Variants in NKAIN2 observed in about 807,000 individuals in gnomAD.
NKAIN2 encodes the protein sodium/potassium transporting ATPase interacting 2.
In NKAIN2, 14 loss-of-function variants were observed where a neutral mutation model predicts 32.6. That is an observed-to-expected ratio of 0.43 (90% CI 0.28 to 0.67). NKAIN2 has a LOEUF of 0.67. Ranked by LOEUF, NKAIN2 falls within the 30% of genes least tolerant of loss-of-function variation. NKAIN2 has a pLI of 0.17. For missense variants in NKAIN2, 198 were observed against 258.3 expected (o/e 0.77, Z 1.60); for synonymous variants, 80 against 87.2 (o/e 0.92, Z 0.46).
intron 1 of NKAIN2, among the ~76,000 whole-genome samples, chr6:124,145,017 C>T: frequency 6.6e-6 from 1 of 152,096 alleles, no homozygotes; most frequent in Non-Finnish European, 1.5e-5. Flanking sequence ...CAGAGAAGCA[C>T]ATGAAAAGAT....
intron 1 of NKAIN2, among the ~76,000 whole-genome samples, chr6:124,064,367 C>T (rs1317675018): frequency 6.6e-6 from 1 of 151,922 alleles, no homozygotes; most frequent in African/African-American, 2.4e-5. Flanking sequence ...TGGGAATAAC[C>T]ATATTAAATG....
chr6:124,259,054 T>G (rs973933297), intron 1 of NKAIN2, among the ~76,000 whole-genome samples: 3 of 152,134 alleles, frequency 2.0e-5, no homozygotes, highest in African/African-American at 7.2e-5. Flanking sequence ...AAATGTTGCA[T>G]GGAGGTGGTT....
intron 1 of NKAIN2, among the ~76,000 whole-genome samples, chr6:123,867,969 T>C (rs574344150): frequency 6.9e-4 from 104 of 151,276 alleles, no homozygotes; most frequent in Non-Finnish European, 1.2e-3. Context: ...CCCAGGTTCA[T>C]GCCATTCTCC....
chr6:123,993,384 A>T (rs1388568716), intron 1 of NKAIN2, among the ~76,000 whole-genome samples: 1 of 152,138 alleles, frequency 6.6e-6, no homozygotes, highest in East Asian at 1.9e-4. Flanking sequence ...ATCAATATCA[A>T]TTTATAAAAT....
At chr6:124,490,326 A>C in intron 3 of NKAIN2, 1 of 422,138 alleles carries the variant, frequency 2.4e-6, no homozygotes, top group South Asian at 1.7e-5. Flanking sequence ...GACACCAAGT[A>C]AACACTTTCT....
intron 3 of NKAIN2, among the ~76,000 whole-genome samples, chr6:124,444,055 C>G (rs1775795432): frequency 6.6e-6 from 1 of 151,942 alleles, no homozygotes; most frequent in Admixed American, 6.6e-5. Flanking sequence ...ACTGACTAAG[C>G]TGCAAGCTTC....
intron 1 of NKAIN2, among the ~76,000 whole-genome samples, chr6:124,106,573 C>T (rs768095318): frequency 2.6e-5 from 4 of 152,062 alleles, no homozygotes; most frequent in Non-Finnish European, 5.9e-5. Flanking sequence ...TTAGGAAAGG[C>T]GGAATGATTT....
chr6:124,457,461 T>C (rs1228123971), intron 3 of NKAIN2, among the ~76,000 whole-genome samples: 2 of 151,982 alleles, frequency 1.3e-5, no homozygotes, highest in African/African-American at 4.8e-5. Flanking sequence ...ACGTGTGTGA[T>C]ACAATATTTT....
At chr6:123,831,482 G>GT (rs1159182051) in intron 1 of NKAIN2, among the ~76,000 whole-genome samples, 8 of 148,016 alleles carry the variant, frequency 5.4e-5, no homozygotes, top group Admixed American at 3.4e-4. Context: ...AGCCACACTG[G>GT]TTTTTTTGTG....
rs1779340383 is a variant in NKAIN2, at chr6:123,989,948, G to A, written c.54+185694G>A. On this transcript the variant is annotated intron_variant, in intron 1 of 6. Transcript: ENST00000368417. ...CAGCTATGAAGAAGTACTTGAGACTGGGTAATTTTTAAAGGAAAGAGATTT... is the reference window on the plus strand; with the variant it reads ...CAGCTATGAAGAAGTACTTGAGACTAGGTAATTTTTAAAGGAAAGAGATTT... Among the ~76,000 whole-genome samples the A allele has an allele frequency of 1.3e-5, 2 of 152,168 alleles. 1 individual carries two copies. The highest frequency in any genetic ancestry group is 4.1e-4 in the South Asian group (2 of 4,830).
At chr6:124,631,432 A>G (rs2114308934) in intron 3 of NKAIN2, among the ~76,000 whole-genome samples, 1 of 152,306 alleles carries the variant, frequency 6.6e-6, no homozygotes, top group African/African-American at 2.4e-5. Flanking sequence ...GAATAAACCT[A>G]GGCAACAAAA....
At chr6:124,717,890 G>C (rs1274725967) in intron 4 of NKAIN2, among the ~76,000 whole-genome samples, 1 of 152,084 alleles carries the variant, frequency 6.6e-6, no homozygotes, top group Non-Finnish European at 1.5e-5. Flanking sequence ...GAGAATAAAA[G>C]GGAGCAGAAT....
intron 1 of NKAIN2, among the ~76,000 whole-genome samples, chr6:124,156,491 AG>A (rs1195228117): frequency 6.6e-6 from 1 of 151,738 alleles, no homozygotes; most frequent in South Asian, 2.1e-4. Context: ...AGAGTGTGTC[AG>A]GAAAGGAAAC....
rs151138730 is a variant in NKAIN2 at position 123,906,892 on chromosome 6, G to A, written c.54+102638G>A. Among the ~76,000 whole-genome samples the A allele has an allele frequency of 7.3e-4, 111 of 152,270 alleles. 1 individual carries two copies. Among genetic ancestry groups the A allele is most frequent in the South Asian group, 3.9e-3 (19 of 4,824 alleles). ...TAAGCATTCTAGTAAACTGAAAATT[G>A]TTAATACATACATACCACAACATTT... On this transcript the variant is annotated intron_variant, in intron 1 of 6. Coordinates refer to ENST00000368417, the MANE Select transcript of NKAIN2 (RefSeq NM_001040214.3).
intron 3 of NKAIN2, among the ~76,000 whole-genome samples, chr6:124,561,607 TTTC>T (rs773049795): frequency 3.3e-5 from 5 of 152,208 alleles, no homozygotes; most frequent in Admixed American, 1.3e-4. Flanking sequence ...TTTCTTTCCT[TTTC>T]TTCTTCTTCT....
intron 3 of NKAIN2, among the ~76,000 whole-genome samples, chr6:124,561,488 A>G (rs1283391837): frequency 6.6e-6 from 1 of 152,228 alleles, no homozygotes; most frequent in Non-Finnish European, 1.5e-5. Flanking sequence ...TTTTAAAAAC[A>G]TTAAATTTGT....
intron 3 of NKAIN2, among the ~76,000 whole-genome samples, chr6:124,460,473 C>T (rs1001695928): frequency 1.4e-5 from 2 of 139,868 alleles, no homozygotes; most frequent in Non-Finnish European, 3.0e-5. Flanking sequence ...AGTTAACCCT[C>T]ATTCTTTTCA....
chr6:124,017,266 A>G (rs754099035), intron 1 of NKAIN2, among the ~76,000 whole-genome samples: 39 of 152,098 alleles, frequency 2.6e-4, no homozygotes, highest in Non-Finnish European at 5.3e-4. Context: ...ATTACTTCCC[A>G]TAGGGTCCCT....
chr6:124,038,622 G>A (rs1353714119), intron 1 of NKAIN2, among the ~76,000 whole-genome samples: 2 of 152,044 alleles, frequency 1.3e-5, no homozygotes, highest in Non-Finnish European at 2.9e-5. Flanking sequence ...TGAGACCTAG[G>A]AAAGACTGTA....
Sources: gnomAD v4.1 joint callset for allele counts (sites outside exome capture counted in the v4.1 genomes callset) on GRCh38, gnomAD v4.1.1 for gene constraint, MANE v1.5 for transcripts, NCBI Gene and HGNC (gene_info 2026-07-23, HGNC 2026-07-21) for gene names.